The following SORCS2 variants were observed in gnomAD, a reference collection of about 807,000 sequenced individuals.
SORCS2 encodes the protein sortilin related VPS10 domain containing receptor 2, also known as VPS10 domain-containing receptor SorCS2.
Under a neutral mutation model 141.6 loss-of-function variants are expected in SORCS2, and 100 were observed. That is an observed-to-expected ratio of 0.71 (90% CI 0.60 to 0.83). The LOEUF (loss-of-function observed/expected upper bound fraction) is 0.83, where lower values mean the gene tolerates loss of function less well. Ranked by LOEUF, SORCS2 falls within the 40% of genes least tolerant of loss-of-function variation. The pLI is 0.00. For missense variants in SORCS2, 1,646 were observed against 1,560.2 expected (o/e 1.05, Z -0.93); for synonymous variants, 789 against 676.9 (o/e 1.17, Z -2.57).
intron 22 of SORCS2, among the ~76,000 whole-genome samples, chr4:7,728,995 G>T (rs936471633): frequency 6.6e-6 from 1 of 152,206 alleles, no homozygotes; most frequent in East Asian, 1.9e-4. Flanking sequence ...CTCTGACCAG[G>T]CTTCCCCTCC....
chr4:7,433,278 C>A, intron 2 of SORCS2: 1 of 1,352,604 alleles, frequency 7.4e-7, no homozygotes. Flanking sequence ...ACCTCATGGG[C>A]CTCGCTAGCA....
At chr4:7,298,824 A>G (rs1026892637) in intron 1 of SORCS2, among the ~76,000 whole-genome samples, 20 of 152,310 alleles carry the variant, frequency 1.3e-4, no homozygotes, top group African/African-American at 4.3e-4. Flanking sequence ...TTCTGCAAAC[A>G]TCCCTGGGAT....
chr4:7,599,706 G>T (rs898431799), intron 3 of SORCS2, among the ~76,000 whole-genome samples: 8 of 152,170 alleles, frequency 5.3e-5, no homozygotes, highest in Non-Finnish European at 8.8e-5. Flanking sequence ...ATACAGCATG[G>T]ATGACGAGGG....
intron 3 of SORCS2, among the ~76,000 whole-genome samples, chr4:7,591,229 C>G (rs1716894443): frequency 1.3e-5 from 2 of 152,222 alleles, no homozygotes; most frequent in South Asian, 2.1e-4. Context: ...TCCTCGCGCT[C>G]TCCCCTCCAC....
intron 3 of SORCS2, among the ~76,000 whole-genome samples, chr4:7,543,943 T>TCCAC (rs1386337860): frequency 0.011 from 1,024 of 90,926 alleles, 19 homozygotes; most frequent in Non-Finnish European, 0.014. Flanking sequence ...CATCCACCCA[T>TCCAC]CCATCCATCC....
intron 1 of SORCS2, among the ~76,000 whole-genome samples, chr4:7,356,535 C>A (rs1031498914): frequency 6.6e-6 from 1 of 152,144 alleles, no homozygotes; most frequent in Non-Finnish European, 1.5e-5. Flanking sequence ...TCTCTTCCTC[C>A]ACTTATGAGG....
intron 3 of SORCS2, among the ~76,000 whole-genome samples, chr4:7,567,462 G>A (rs982726048): frequency 1.4e-5 from 2 of 142,088 alleles, no homozygotes; most frequent in African/African-American, 5.7e-5. Context: ...ATGTTCCTCT[G>A]TTGGAATTTG....
intron 2 of SORCS2, among the ~76,000 whole-genome samples, chr4:7,415,163 G>T (rs1170306464): frequency 6.6e-6 from 1 of 152,204 alleles, no homozygotes; most frequent in Non-Finnish European, 1.5e-5. Context: ...TGGTGGCCAG[G>T]ATGTCCTGTT....
At chr4:7,499,226 C>T (rs2109424132) in intron 2 of SORCS2, among the ~76,000 whole-genome samples, 1 of 152,234 alleles carries the variant, frequency 6.6e-6, no homozygotes, top group South Asian at 2.1e-4. Context: ...ACGTCACCCC[C>T]AGGAGTGGCA....
intron 2 of SORCS2, among the ~76,000 whole-genome samples, chr4:7,439,471 A>G (rs1727517145): frequency 6.6e-6 from 1 of 152,220 alleles, no homozygotes; most frequent in African/African-American, 2.4e-5. Context: ...CTGCTGAGAT[A>G]AATTTCACCT....
At chr4:7,244,694 ACT>A (rs1712958864) in intron 1 of SORCS2, among the ~76,000 whole-genome samples, 1 of 151,420 alleles carries the variant, frequency 6.6e-6, no homozygotes, top group Non-Finnish European at 1.5e-5. Context: ...CTACTCTGAC[ACT>A]CTCACCCATT....
At chr4:7,734,046 T>G (rs913679512) in intron 24 of SORCS2, among the ~76,000 whole-genome samples, 27 of 124,656 alleles carry the variant, frequency 2.2e-4, no homozygotes, top group South Asian at 5.3e-4. Context: ...CAGGAACAGG[T>G]GGGGGACAGG....
At chr4:7,677,848 C>T (rs982662985) in intron 9 of SORCS2, among the ~76,000 whole-genome samples, 12 of 152,190 alleles carry the variant, frequency 7.9e-5, no homozygotes, top group African/African-American at 2.9e-4. Flanking sequence ...TGCTAGGCAG[C>T]GCCCACCCCC....
At chr4:7,307,218 A>G (rs924260138) in intron 1 of SORCS2, among the ~76,000 whole-genome samples, 42 of 152,312 alleles carry the variant, frequency 2.8e-4, no homozygotes, top group African/African-American at 9.6e-4. Context: ...TCAGAGCCAG[A>G]TAAAGGCACT....
intron 4 of SORCS2, among the ~76,000 whole-genome samples, chr4:7,650,729 A>AGCCCCGCCCAGCCCC (rs1491309498): frequency 3.2e-5 from 1 of 31,048 alleles, no homozygotes; most frequent in South Asian, 1.3e-3. Flanking sequence ...CGCCCCGCCC[A>AGCCCCGCCCAGCCCC]GCCCAGCCCA....
chr4:7,373,022 T>C (rs577403224), intron 1 of SORCS2, among the ~76,000 whole-genome samples: 59 of 151,032 alleles, frequency 3.9e-4, no homozygotes, highest in African/African-American at 1.0e-3. Flanking sequence ...TTTTTTTTTT[T>C]CCCCTATCAT....
chr4:7,490,278 G>A (rs537714680), intron 2 of SORCS2, among the ~76,000 whole-genome samples: 1 of 152,150 alleles, frequency 6.6e-6, no homozygotes, highest in African/African-American at 2.4e-5. Flanking sequence ...ACTCGGCCTG[G>A]GGGGAGCTCA....
intron 26 of SORCS2, among the ~76,000 whole-genome samples, 177 bp from the exon 27 acceptor site, chr4:7,740,023 C>T (rs1206763193): frequency 6.6e-6 from 1 of 152,132 alleles, no homozygotes; most frequent in Non-Finnish European, 1.5e-5. Context: ...GCCCACTCCT[C>T]AGGCACCCAC....
At chr4:7,616,124 C>A (rs1718739829) in intron 3 of SORCS2, among the ~76,000 whole-genome samples, 1 of 152,146 alleles carries the variant, frequency 6.6e-6, no homozygotes, top group Admixed American at 6.5e-5. Flanking sequence ...AGGGATGGAG[C>A]CTGGCAGGTG....
Sources: allele counts gnomAD v4.1 joint callset (sites outside exome capture counted in the v4.1 genomes callset), GRCh38; gene constraint gnomAD v4.1.1; transcripts MANE v1.5; gene names NCBI Gene and HGNC (gene_info 2026-07-23, HGNC 2026-07-21).